NLRP1: variants seen among roughly 807,000 people sequenced by gnomAD.
The protein encoded by NLRP1 is NACHT, LRR and PYD domains-containing protein 1.
A neutral mutation model predicts 136.7 loss-of-function variants in NLRP1; 94 were observed. The observed-to-expected ratio is 0.69, with a 90% CI of 0.58 to 0.82. The LOEUF is 0.82. NLRP1 is among the 40% of genes least tolerant of loss of function. The pLI is 0.00. For missense variants in NLRP1, 1,575 were observed against 1,802.7 expected (o/e 0.87, Z 2.29); for synonymous variants, 690 against 725.1 (o/e 0.95, Z 0.78).
intron 3 of NLRP1, among the ~76,000 whole-genome samples, chr17:5,574,423 C>T (rs532179366): frequency 6.6e-6 from 1 of 152,254 alleles, no homozygotes; most frequent in South Asian, 2.1e-4. Flanking sequence ...CCTAGCAAGG[C>T]AGGCCAACAT....
Position 5,559,347 on chromosome 17 carries a change from G to C in NLRP1, c.1349C>G (p.Pro450Arg). 5 of 1,614,012 alleles carry C rather than the reference G, an allele frequency of 3.1e-6. No homozygotes were observed. The highest frequency in any genetic ancestry group is 4.2e-6 in the Non-Finnish European group (5 of 1,179,894). The change falls in exon 4 of 17, where the codon CCC (proline) becomes CGC (arginine). Residue 450 changes from proline to arginine, a missense_variant. By Grantham distance (103) the Pro-to-Arg change is moderately radical. Coordinates refer to ENST00000572272, the MANE Select transcript of NLRP1 (RefSeq NM_033004.4). ...LGSLLGKTIL[P>R]EASFLITART... Reference sequence around the variant, plus strand: ...AGCCGTGATCAGGAAGGATGCCTCGGGAAGTATAGTTTTCCCCAGCAAACT... The same window carrying C: ...AGCCGTGATCAGGAAGGATGCCTCGCGAAGTATAGTTTTCCCCAGCAAACT...
chr17:5,542,499 G>C (rs924119193), intron 5 of NLRP1, among the ~76,000 whole-genome samples: 1 of 152,040 alleles, frequency 6.6e-6, no homozygotes, highest in Non-Finnish European at 1.5e-5. Flanking sequence ...CTCCACTTGC[G>C]TCAGGTCTTT....
chr17:5,545,833 G>C (rs1054142299), intron 5 of NLRP1, among the ~76,000 whole-genome samples: 3 of 152,200 alleles, frequency 2.0e-5, no homozygotes, highest in African/African-American at 7.2e-5. Context: ...TACCCACCTG[G>C]CTTATCTGAT....
chr17:5,574,265 T>C (rs944981590), intron 3 of NLRP1, among the ~76,000 whole-genome samples: 2 of 151,732 alleles, frequency 1.3e-5, no homozygotes, highest in Non-Finnish European at 2.9e-5. Flanking sequence ...GAAAAAAGAG[T>C]AAAAAGAAAC....
At chr17:5,544,967 G>A (rs888317263) in intron 5 of NLRP1, among the ~76,000 whole-genome samples, 1 of 152,084 alleles carries the variant, frequency 6.6e-6, no homozygotes, top group Non-Finnish European at 1.5e-5. Context: ...TGTGTGTGAG[G>A]GGGAAGGAGG....
chr17:5,508,332 G>C (rs771906055), intron 15 of NLRP1, among the ~76,000 whole-genome samples: 88 of 152,176 alleles, frequency 5.8e-4, no homozygotes, highest in Non-Finnish European at 1.1e-3. Context: ...AATTTGTTTT[G>C]TAGAGACAGA....
intron 12 of NLRP1, chr17:5,530,111 T>A (rs1910052655): frequency 4.3e-6 from 2 of 460,158 alleles, no homozygotes; most frequent in Admixed American, 2.4e-5. Context: ...TGCCCCAACA[T>A]TCTTCGTTAG....
chr17:5,557,495 C>A (rs931312050), intron 4 of NLRP1, among the ~76,000 whole-genome samples: 14 of 152,226 alleles, frequency 9.2e-5, no homozygotes, highest in African/African-American at 3.4e-4. Flanking sequence ...AGACATCACA[C>A]TCTGTTGTCA....
downstream of NLRP1, among the ~76,000 whole-genome samples, chr17:5,509,296 C>T (rs1185667220): frequency 2.0e-5 from 3 of 152,236 alleles, no homozygotes; most frequent in Admixed American, 6.5e-5. Context: ...TACAACCTGA[C>T]ACAACACAGG....
chr17:5,529,287 T>TTTTC (rs1909929472), intron 12 of NLRP1, among the ~76,000 whole-genome samples: 2 of 151,632 alleles, frequency 1.3e-5, no homozygotes, highest in Non-Finnish European at 2.9e-5. Context: ...TTTTTTTCCC[T>TTTTC]TCTATCTTAT....
At chr17:5,565,854 G>T (rs925019413) in intron 3 of NLRP1, among the ~76,000 whole-genome samples, 3 of 152,036 alleles carry the variant, frequency 2.0e-5, no homozygotes, top group African/African-American at 7.2e-5. Flanking sequence ...CTTCCATGTT[G>T]TTACTTGTTA....
intron 5 of NLRP1, among the ~76,000 whole-genome samples, chr17:5,552,017 G>T (rs1190723043): frequency 6.8e-6 from 1 of 147,598 alleles, no homozygotes; most frequent in Non-Finnish European, 1.5e-5. Context: ...TAAGGCAATT[G>T]TCCTGCCTTG....
intron 8 of NLRP1, among the ~76,000 whole-genome samples, chr17:5,534,744 C>A (rs1031761445): frequency 6.6e-6 from 1 of 152,174 alleles, no homozygotes; most frequent in African/African-American, 2.4e-5. Context: ...TTGGCTGCTG[C>A]AACCCTGTAA....
chr17:5,529,113 C>T (rs9905673), intron 12 of NLRP1, among the ~76,000 whole-genome samples: 49,293 of 152,006 alleles, frequency 0.32, 8,817 homozygotes, highest in Non-Finnish European at 0.4. Flanking sequence ...TTCCCTCATA[C>T]TTTCTTATTC....
Position 5,507,620 on chromosome 17 carries a change from C to T in NLRP1, c.4070-5748G>A, listed in dbSNP as rs59252605. Among the ~76,000 whole-genome samples the T allele has an allele frequency of 2.4e-3, 365 of 152,140 alleles. 1 individual carries two copies. The highest frequency in any genetic ancestry group is 7.8e-3 in the African/African-American group (322 of 41,484). ...CGGGTAGATCACGAGGTCAGGAGAT[C>T]GAGTCCATCCTGGCTAACACAGTGA... is the stretch of plus-strand genomic sequence containing the variant. On this transcript the variant is annotated intron_variant, in intron 15 of 15. Coordinates refer to the NLRP1 transcript ENST00000262467.
chr17:5,512,560 G>C, downstream of NLRP1: 7 of 544,296 alleles, frequency 1.3e-5, 1 homozygote, highest in South Asian at 1.4e-4. Flanking sequence ...GGAGAGTGGA[G>C]GTCTGCATGT....
chr17:5,517,541 C>G lies in NLRP1; in HGVS notation c.4057+205G>C, dbSNP rs199476217. ...TAGCTGGGACTACAGGCACGCGCTA[C>G]CACGCCTGGCTAATTTTTGTACTTT... On this transcript the variant is annotated intron_variant, in intron 15 of 16. Transcript: ENST00000572272. Among the ~76,000 whole-genome samples, 286 of 152,266 alleles carry G rather than the reference C, an allele frequency of 1.9e-3. No individual in the cohort carries two copies. Among genetic ancestry groups the G allele is most frequent in the African/African-American group, 6.4e-3 (265 of 41,542 alleles).
intron 5 of NLRP1, among the ~76,000 whole-genome samples, chr17:5,550,760 T>A (rs1019627584): frequency 6.6e-6 from 1 of 152,182 alleles, no homozygotes; most frequent in Non-Finnish European, 1.5e-5. Context: ...TTAAAAAAAT[T>A]TCTTTACTAA....
At chr17:5,578,514 T>C (rs4790779) in intron 3 of NLRP1, among the ~76,000 whole-genome samples, 50,085 of 152,196 alleles carry the variant, frequency 0.33, 10,339 homozygotes, top group Non-Finnish European at 0.45. Flanking sequence ...GAAAAAATGC[T>C]CATCATCACT....
Sources: allele counts gnomAD v4.1 joint callset (sites outside exome capture counted in the v4.1 genomes callset), GRCh38; gene constraint gnomAD v4.1.1; transcripts MANE v1.5; gene names NCBI Gene and HGNC (gene_info 2026-07-23, HGNC 2026-07-21).